Variants in IGF2BP2 observed in about 807,000 individuals in gnomAD.
IGF2BP2 encodes the protein insulin-like growth factor 2 mRNA-binding protein 2.
A neutral mutation model predicts 75.8 loss-of-function variants in IGF2BP2; 17 were observed. The ratio of observed to expected loss-of-function variants is 0.22; its 90% CI spans 0.15 to 0.34. IGF2BP2 has a LOEUF of 0.34. Ranked by LOEUF, IGF2BP2 falls within the 10% of genes least tolerant of loss-of-function variation. IGF2BP2 has a pLI of 1.00. For missense variants in IGF2BP2, 516 were observed against 772.4 expected (o/e 0.67, Z 3.93); for synonymous variants, 288 against 295.6 (o/e 0.97, Z 0.26).
intron 2 of IGF2BP2, among the ~76,000 whole-genome samples, chr3:185,730,777 T>C (rs890365156): frequency 1.3e-5 from 2 of 152,154 alleles, no homozygotes; most frequent in Non-Finnish European, 2.9e-5. Flanking sequence ...GTTCTATTTT[T>C]AGTTCTTCAA....
At chr3:185,658,234 C>T in intron 11 of IGF2BP2, 107 bp downstream of exon 11, 1 of 1,103,886 alleles carries the variant, frequency 9.1e-7, no homozygotes, top group Non-Finnish European at 1.4e-6. Flanking sequence ...CAAACCAGAA[C>T]CACAGGAGAC....
intron 5 of IGF2BP2, among the ~76,000 whole-genome samples, chr3:185,689,967 C>CAAAAAAAAAAAAAAAAA (rs5855070): frequency 5.1e-5 from 6 of 118,218 alleles, no homozygotes; most frequent in African/African-American, 1.9e-4. Flanking sequence ...GACTCCGTCT[C>CAAAAAAAAAAAAAAAAA]AAAAAAAAAA....
intron 10 of IGF2BP2, among the ~76,000 whole-genome samples, chr3:185,661,915 C>T (rs987124174): frequency 3.3e-5 from 5 of 151,938 alleles, no homozygotes; most frequent in African/African-American, 7.3e-5. Flanking sequence ...GGCACTGGGA[C>T]GGAGCATTCT....
At chr3:185,648,711 A>T (rs1246649289) in intron 14 of IGF2BP2, among the ~76,000 whole-genome samples, 2 of 152,142 alleles carry the variant, frequency 1.3e-5, no homozygotes, top group African/African-American at 4.8e-5. Context: ...CATTCCAACA[A>T]GCTTCAAAGT....
At chr3:185,824,399 G>A (rs1282342351) in intron 1 of IGF2BP2, among the ~76,000 whole-genome samples, 1 of 147,482 alleles carries the variant, frequency 6.8e-6, no homozygotes, top group East Asian at 2.1e-4. Context: ...CTGACAAAGG[G>A]GGTGACAGGA....
chr3:185,752,772 T>C (rs1731127760), intron 2 of IGF2BP2, among the ~76,000 whole-genome samples: 1 of 152,094 alleles, frequency 6.6e-6, no homozygotes, highest in Admixed American at 6.6e-5. Flanking sequence ...AATTTTTGTA[T>C]TTTGGGTAGA....
At chr3:185,823,520 T>G (rs931396673) in intron 1 of IGF2BP2, among the ~76,000 whole-genome samples, 1 of 152,054 alleles carries the variant, frequency 6.6e-6, no homozygotes, top group African/African-American at 2.4e-5. Context: ...CATTTGAAAC[T>G]CAAGCTGCAG....
chr3:185,695,300 T>C (rs1339051423), intron 4 of IGF2BP2, among the ~76,000 whole-genome samples: 1 of 152,194 alleles, frequency 6.6e-6, no homozygotes, highest in African/African-American at 2.4e-5. Flanking sequence ...AAATGGGTTG[T>C]TTGCAATTTT....
chr3:185,705,300 T>C lies in IGF2BP2; in HGVS notation c.240-6953A>G, dbSNP rs573673090. On this transcript the variant is annotated intron_variant, in intron 2 of 15. Coordinates refer to ENST00000382199, the MANE Select transcript of IGF2BP2 (RefSeq NM_006548.6). ...TTAGTAGAGACAGGGTTTCACCATG[T>C]TGGCCAGGGTGGTCTCGATCTCCTG... is the stretch of plus-strand genomic sequence containing the variant. Among the ~76,000 whole-genome samples, 10 of 152,264 alleles carry C rather than the reference T, an allele frequency of 6.6e-5. No individual in the cohort carries two copies. The South Asian group carries it at 1.7e-3, about 25-fold the overall frequency.
At chr3:185,715,397 C>T (rs565288223) in intron 2 of IGF2BP2, among the ~76,000 whole-genome samples, 9 of 152,304 alleles carry the variant, frequency 5.9e-5, no homozygotes, top group East Asian at 5.8e-4. Flanking sequence ...GACTCAGACA[C>T]GAATCATCAC....
chr3:185,788,433 C>T (rs974927442), intron 2 of IGF2BP2, among the ~76,000 whole-genome samples: 2 of 152,120 alleles, frequency 1.3e-5, no homozygotes, highest in African/African-American at 4.8e-5. Context: ...ACCACTTGAG[C>T]CTAGGAGCTA....
At chr3:185,796,436 G>A (rs992442467) in intron 2 of IGF2BP2, among the ~76,000 whole-genome samples, 2 of 151,740 alleles carry the variant, frequency 1.3e-5, no homozygotes. Flanking sequence ...GGTGGCATAC[G>A]CCTGTAATCC....
chr3:185,824,612 G>A lies in IGF2BP2; in HGVS notation c.178+171C>T, dbSNP rs555443936. 1.1e-4 allele frequency among the ~76,000 whole-genome samples: 16 copies of A among 151,780 alleles called. No homozygotes were observed. The South Asian group carries it at 3.1e-3, about 30-fold the overall frequency. ...CAGAGCTGTGGGGGGAGGGGAGCGGGCCGTCCCAGGAGCGGGCCGGCGGCG... is the reference window on the plus strand; with the variant it reads ...CAGAGCTGTGGGGGGAGGGGAGCGGACCGTCCCAGGAGCGGGCCGGCGGCG... On this transcript the variant is annotated intron_variant, in intron 1 of 15. Coordinates refer to ENST00000382199, the MANE Select transcript of IGF2BP2 (RefSeq NM_006548.6).
Position 185,647,042 on chromosome 3 carries a change from G to A in IGF2BP2, c.1690C>T (p.His564Tyr). The stretch of plus-strand genomic sequence containing the variant: ...CACAGTACCTGGCTAGCAAAGAAGT[G>A]CCCGATAATTCTGACGATCACTTCC... ...NEEVIVRIIG[H>Y]FFASQTAQRK... is the part of the protein sequence containing the mutation. Residue 564 changes from histidine (H) to tyrosine (Y), a missense_variant, in exon 15 of 16, where the codon CAC (histidine) becomes TAC (tyrosine). Physicochemically the swap from His to Tyr is moderately conservative, Grantham distance 83 (BLOSUM62 2). Coordinates refer to ENST00000382199, the MANE Select transcript of IGF2BP2 (RefSeq NM_006548.6). The surrounding 1 kb of genome is among the most constrained non-coding windows in gnomAD (Gnocchi z 4.9). 1 of 1,613,468 alleles carries A rather than the reference G, an allele frequency of 6.2e-7. No individual in the cohort carries two copies. Among genetic ancestry groups the A allele is most frequent in the Non-Finnish European group, 8.5e-7 (1 of 1,179,408 alleles).
intron 2 of IGF2BP2, among the ~76,000 whole-genome samples, chr3:185,800,950 C>T (rs1738163686): frequency 6.7e-6 from 1 of 148,440 alleles, no homozygotes; most frequent in East Asian, 2.2e-4. Flanking sequence ...AAAAATTTTG[C>T]AATCTAACCA....
At chr3:185,817,261 G>A (rs971073808) in intron 2 of IGF2BP2, among the ~76,000 whole-genome samples, 3 of 152,172 alleles carry the variant, frequency 2.0e-5, no homozygotes, top group African/African-American at 4.8e-5. Flanking sequence ...TTAGTGAAAA[G>A]CAGAGGCTTG....
chr3:185,822,596 T>C (rs969160248), intron 2 of IGF2BP2, among the ~76,000 whole-genome samples: 4 of 152,202 alleles, frequency 2.6e-5, no homozygotes, highest in African/African-American at 9.7e-5. Context: ...CTATACTCAG[T>C]AGTCTCAGTG....
At chr3:185,809,683 G>A (rs1343960597) in intron 2 of IGF2BP2, among the ~76,000 whole-genome samples, 1 of 151,992 alleles carries the variant, frequency 6.6e-6, no homozygotes, top group Non-Finnish European at 1.5e-5. Context: ...AAAGTAAAAA[G>A]TTTTAAAAAC....
intron 2 of IGF2BP2, among the ~76,000 whole-genome samples, chr3:185,804,623 G>A (rs1475461536): frequency 6.6e-6 from 1 of 152,058 alleles, no homozygotes; most frequent in Non-Finnish European, 1.5e-5. Flanking sequence ...TGCCCATTCA[G>A]GCATTCTACT....
Sources: gnomAD v4.1 joint callset for allele counts (sites outside exome capture counted in the v4.1 genomes callset) on GRCh38, gnomAD v4.1.1 for gene constraint, Gnocchi (gnomAD v3.1) non-coding constraint, MANE v1.5 for transcripts, NCBI Gene and HGNC (gene_info 2026-07-23, HGNC 2026-07-21) for gene names.